The following RNF169 variants were observed in gnomAD, a reference collection of about 807,000 sequenced individuals.
RNF169 encodes ring finger protein 169, also known as E3 ubiquitin-protein ligase RNF169.
A neutral mutation model predicts 53.9 loss-of-function variants in RNF169; 24 were observed. The observed-to-expected ratio is 0.45, with a 90% CI of 0.32 to 0.63. The LOEUF (loss-of-function observed/expected upper bound fraction) is 0.63. Ranked by LOEUF, RNF169 falls within the 20% of genes least tolerant of loss-of-function variation. The pLI is 0.04. For missense variants in RNF169, 883 were observed against 906.2 expected (o/e 0.97, Z 0.33); for synonymous variants, 396 against 363.5 (o/e 1.09, Z -1.02).
At chr11:74,768,607 A>T (rs2035210919) in intron 1 of RNF169, among the ~76,000 whole-genome samples, 2 of 129,012 alleles carry the variant, frequency 1.6e-5, no homozygotes, top group African/African-American at 3.5e-5. Flanking sequence ...ACTCTGTCTT[A>T]AAAAAAAAAA....
At chr11:74,832,318 T>C (rs982791381) in intron 4 of RNF169, 1 of 151,602 alleles carries the variant, frequency 6.6e-6, no homozygotes, top group African/African-American at 2.4e-5. Flanking sequence ...CTTCATTGCA[T>C]GTTTGGTCAC....
At position 74,814,526 on chromosome 11, in the gene RNF169, C is replaced by T. The variant is rs371097972; in HGVS notation, c.724-3070C>T. Among the ~76,000 whole-genome samples the T allele has an allele frequency of 2.9e-4, 44 of 151,310 alleles. 3 individuals are homozygous for T. In the East Asian group the frequency reaches 5.7e-3, roughly 20 times the overall value. On this transcript the variant is annotated intron_variant, in intron 3 of 5. Transcript: ENST00000299563. Reference sequence around the variant, plus strand: ...CCTCTGAAGTAGCTGGGACCACAGGCGCCTATTACATGCCTGACTAGTTTT... The same window carrying T: ...CCTCTGAAGTAGCTGGGACCACAGGTGCCTATTACATGCCTGACTAGTTTT...
intron 1 of RNF169, among the ~76,000 whole-genome samples, chr11:74,761,754 A>G (rs977687125): frequency 1.3e-5 from 2 of 149,996 alleles, no homozygotes; most frequent in African/African-American, 4.9e-5. Flanking sequence ...CTTCATTTCA[A>G]CTTTGGTGAA....
At chr11:74,770,815 G>A (rs1464173581) in intron 1 of RNF169, among the ~76,000 whole-genome samples, 1 of 151,562 alleles carries the variant, frequency 6.6e-6, no homozygotes, top group Non-Finnish European at 1.5e-5. Flanking sequence ...TTTTGTTTTT[G>A]TTTTTTTTGA....
intron 1 of RNF169, among the ~76,000 whole-genome samples, chr11:74,772,859 G>A (rs2035280472): frequency 6.6e-6 from 1 of 152,160 alleles, no homozygotes; most frequent in African/African-American, 2.4e-5. Context: ...ATGAACTGGG[G>A]AGTGATGTAA....
chr11:74,749,613 G>C (rs1446394172), intron 1 of RNF169, among the ~76,000 whole-genome samples: 1 of 152,224 alleles, frequency 6.6e-6, no homozygotes, highest in Admixed American at 6.5e-5. Context: ...TGTGCCTTAC[G>C]TAAGTCCGAA....
rs1474823288 is a variant in RNF169, at chr11:74,836,075, C to T, written c.1472C>T (p.Ser491Phe). Residue 491 changes from serine (S) to phenylalanine (F), a missense_variant, in exon 6 of 6, where the codon TCT becomes TTT. By Grantham distance (155) the Ser-to-Phe change is radical. Transcript: ENST00000299563. ...AGATTATCTGGTGGGCAGGTCCTCTCTGAGTATACTGGACCCACCTCTGCT... is the reference window on the plus strand; with the variant it reads ...AGATTATCTGGTGGGCAGGTCCTCTTTGAGTATACTGGACCCACCTCTGCT... ...NTRLSGGQVL[S>F]EYTGPTSADL... 2 of 1,614,072 alleles carry T rather than the reference C, an allele frequency of 1.2e-6. No individual in the cohort carries two copies. Among genetic ancestry groups the T allele is most frequent in the Non-Finnish European group, 1.7e-6 (2 of 1,180,052 alleles).
chr11:74,811,527 C>G, intron 3 of RNF169, among the ~76,000 whole-genome samples: 1 of 152,128 alleles, frequency 6.6e-6, no homozygotes, highest in East Asian at 1.9e-4. Context: ...GAGCCCCTGC[C>G]CGGCCTTGGT....
At chr11:74,764,978 G>A (rs1357320881) in intron 1 of RNF169, among the ~76,000 whole-genome samples, 3 of 152,052 alleles carry the variant, frequency 2.0e-5, no homozygotes, top group Admixed American at 6.6e-5. Context: ...TTGGGAGGCC[G>A]AGGTGGGAGG....
intron 1 of RNF169, among the ~76,000 whole-genome samples, chr11:74,754,009 CAG>C (rs1156484701): frequency 3.9e-5 from 6 of 152,234 alleles, no homozygotes; most frequent in Admixed American, 1.3e-4. Context: ...AAAATGAACT[CAG>C]AGTTCAACTT....
intron 4 of RNF169, among the ~76,000 whole-genome samples, chr11:74,821,511 A>G (rs1487885049): frequency 2.6e-5 from 3 of 116,584 alleles, no homozygotes; most frequent in African/African-American, 1.4e-4. Context: ...ACAAAAAATT[A>G]GCCGGGCGTA....
At chr11:74,807,314 C>T (rs1206344808) in intron 2 of RNF169, among the ~76,000 whole-genome samples, 2 of 151,806 alleles carry the variant, frequency 1.3e-5, no homozygotes, top group African/African-American at 4.8e-5. Flanking sequence ...CTTTTTTTTT[C>T]ACCTCAGACT....
At chr11:74,829,754 A>T (rs372856145) in intron 4 of RNF169, among the ~76,000 whole-genome samples, 2 of 152,238 alleles carry the variant, frequency 1.3e-5, no homozygotes, top group South Asian at 4.1e-4. Context: ...CAGAAAACCA[A>T]ACATCACATA....
At chr11:74,813,791 A>G (rs1015557048) in intron 3 of RNF169, among the ~76,000 whole-genome samples, 2 of 152,212 alleles carry the variant, frequency 1.3e-5, no homozygotes, top group South Asian at 2.1e-4. Flanking sequence ...CCCAGGTTCA[A>G]TCAATTCTCC....
At chr11:74,810,467 A>C in intron 3 of RNF169, 137 bp downstream of exon 3, 1 of 798,874 alleles carries the variant, frequency 1.3e-6, no homozygotes. Flanking sequence ...AGAGTAGTGA[A>C]GAACTTACGT....
At chr11:74,783,242 G>GT (rs748945957) in intron 1 of RNF169, among the ~76,000 whole-genome samples, 7,780 of 142,148 alleles carry the variant, frequency 0.055, 398 homozygotes, top group African/African-American at 0.14. Context: ...AGTTTGTTTT[G>GT]TTTTTTTTTT....
chr11:74,757,100 A>C (rs1204787283), intron 1 of RNF169, among the ~76,000 whole-genome samples: 1 of 126,722 alleles, frequency 7.9e-6, no homozygotes, highest in Non-Finnish European at 1.6e-5. Flanking sequence ...GCACCCACTA[A>C]CTCGTCATCT....
chr11:74,788,710 G>A (rs2035540369), intron 1 of RNF169, among the ~76,000 whole-genome samples: 1 of 152,046 alleles, frequency 6.6e-6, no homozygotes, highest in African/African-American at 2.4e-5. Flanking sequence ...TTTAATTGCA[G>A]TGTGTTAAAA....
In RNF169 at chr11:74,827,021, C is replaced by G. The variant is rs147182604; in HGVS notation, c.843-7655C>G. On this transcript the variant is annotated intron_variant, in intron 4 of 5. Coordinates refer to ENST00000299563, the MANE Select transcript of RNF169 (RefSeq NM_001098638.2). Reference sequence around the variant, plus strand: ...GCCCTCTTATCACAGCTCCTCTAGGCAGTGCCCCAATGGGGACTCAGTGTG... The same window carrying G: ...GCCCTCTTATCACAGCTCCTCTAGGGAGTGCCCCAATGGGGACTCAGTGTG... Among the ~76,000 whole-genome samples, 1,119 of 152,346 alleles carry G rather than the reference C, an allele frequency of 7.3e-3. 23 individuals are homozygous for G. Among genetic ancestry groups the G allele is most frequent in the African/African-American group, 0.025 (1,057 of 41,574 alleles).
Sources: gnomAD v4.1 joint callset for allele counts (sites outside exome capture counted in the v4.1 genomes callset) on GRCh38, gnomAD v4.1.1 for gene constraint, MANE v1.5 for transcripts, NCBI Gene and HGNC (gene_info 2026-07-23, HGNC 2026-07-21) for gene names.